The following THRB variants were observed in gnomAD, a reference collection of about 807,000 sequenced individuals.
THRB encodes nuclear receptor subfamily 1 group A member 2.
THRB carries 12 observed loss-of-function variants against 47.8 expected under a neutral mutation model. The observed-to-expected ratio is 0.25, with a 90% CI of 0.16 to 0.41. THRB has a LOEUF of 0.41. Among genes scored for constraint, THRB ranks in the 10% least tolerant of loss-of-function variants. THRB has a pLI of 1.00. For missense variants in THRB, 348 were observed against 589.2 expected (o/e 0.59, Z 4.24); for synonymous variants, 218 against 212.2 (o/e 1.03, Z -0.24).
At chr3:24,447,282 C>A (rs796333446) in intron 1 of THRB, among the ~76,000 whole-genome samples, 6 of 152,100 alleles carry the variant, frequency 3.9e-5, no homozygotes, top group African/African-American at 1.4e-4. Context: ...CCCCAACAAC[C>A]CTTAAGTATG....
intron 3 of THRB, among the ~76,000 whole-genome samples, chr3:24,276,870 T>C (rs2053970560): frequency 6.6e-6 from 1 of 152,270 alleles, no homozygotes. Context: ...GAAAGATTCG[T>C]AATCAACTAC....
chr3:24,118,499 A>T lies in THRB; in HGVS notation c.*4385T>A, dbSNP rs2148745626. ...TTTTCTATTCTGTAGTATTTTTCTGATTCTCAGGGCATGAAAACATTATGG... is the reference window on the plus strand; with the variant it reads ...TTTTCTATTCTGTAGTATTTTTCTGTTTCTCAGGGCATGAAAACATTATGG... On this transcript the variant is annotated 3_prime_UTR_variant, in exon 11 of 11. Coordinates refer to ENST00000646209, the MANE Select transcript of THRB (RefSeq NM_001354712.2). The T allele has an allele frequency of 1.3e-5, 2 of 152,728 alleles. No homozygotes were observed. Among genetic ancestry groups the T allele is most frequent in the East Asian group, 3.9e-4 (2 of 5,178 alleles). The allele number at this position is 152,728 out of a possible 1,614,324, so 9.5% of individuals were successfully genotyped here. A position where few individuals can be genotyped will look rare whatever the true frequency, so the allele number is the denominator to read the frequency against.
intron 1 of THRB, among the ~76,000 whole-genome samples, chr3:24,392,247 T>C (rs956321730): frequency 2.6e-5 from 4 of 152,124 alleles, no homozygotes; most frequent in African/African-American, 9.7e-5. Flanking sequence ...TATCGAGAAT[T>C]CTGTTTTTCT....
intron 2 of THRB, among the ~76,000 whole-genome samples, chr3:24,329,829 T>C (rs1472099341): frequency 1.3e-5 from 2 of 152,214 alleles, no homozygotes; most frequent in African/African-American, 4.8e-5. Context: ...AGTCTCTGAA[T>C]AAGCAACATG....
chr3:24,327,554 C>A (rs1464364612), intron 2 of THRB, among the ~76,000 whole-genome samples: 1 of 152,166 alleles, frequency 6.6e-6, no homozygotes, highest in Middle Eastern at 3.2e-3. Context: ...ATGTGCCAGG[C>A]ACAATTCTAG....
At chr3:24,369,507 T>C (rs1417945539) in intron 1 of THRB, among the ~76,000 whole-genome samples, 1 of 152,022 alleles carries the variant, frequency 6.6e-6, no homozygotes, top group Non-Finnish European at 1.5e-5. Flanking sequence ...AAAACATGAG[T>C]AGAAAATAAT....
chr3:24,283,286 A>G (rs1263881425), intron 3 of THRB, among the ~76,000 whole-genome samples: 1 of 152,256 alleles, frequency 6.6e-6, no homozygotes, highest in Non-Finnish European at 1.5e-5. Flanking sequence ...AATATATGCA[A>G]ATCAATAAAC....
chr3:24,149,405 G>C (rs1183731141), intron 6 of THRB, among the ~76,000 whole-genome samples: 1 of 152,254 alleles, frequency 6.6e-6, no homozygotes, highest in African/African-American at 2.4e-5. Flanking sequence ...TTCAGGGGTG[G>C]GTTTAGGGCA....
chr3:24,234,888 G>A (rs1181224418), intron 3 of THRB, among the ~76,000 whole-genome samples: 1 of 152,180 alleles, frequency 6.6e-6, no homozygotes, highest in Non-Finnish European at 1.5e-5. Context: ...GAATGACACT[G>A]CAAATGTAGT....
chr3:24,206,514 A>T (rs889284136), intron 4 of THRB, among the ~76,000 whole-genome samples: 1 of 152,206 alleles, frequency 6.6e-6, no homozygotes, highest in Non-Finnish European at 1.5e-5. Context: ...GTGTAGAGGG[A>T]AATTTACAGC....
chr3:24,256,490 AG>A (rs2051297020), intron 3 of THRB, among the ~76,000 whole-genome samples: 1 of 152,124 alleles, frequency 6.6e-6, no homozygotes, highest in Admixed American at 6.5e-5. Context: ...ATTTAATGGA[AG>A]ATGTGGACAT....
At position 24,136,737 on chromosome 3, in the gene THRB, C is replaced by T. The variant is rs2034729270; in HGVS notation, c.739-3275G>A. 2.0e-5 allele frequency among the ~76,000 whole-genome samples: 3 copies of T among 152,232 alleles called. No homozygotes were observed. The South Asian group carries it at 6.2e-4, about 32-fold the overall frequency. On this transcript the variant is annotated intron_variant, in intron 8 of 10. Coordinates refer to ENST00000646209, the MANE Select transcript of THRB (RefSeq NM_001354712.2). ...CCTGTGGGGAAAGCCTGCTTTTTGCCTCTGTGGATCCAACTGCCTGAGCTA... is the reference window on the plus strand; with the variant it reads ...CCTGTGGGGAAAGCCTGCTTTTTGCTTCTGTGGATCCAACTGCCTGAGCTA...
chr3:24,261,018 A>G (rs1306334241), intron 3 of THRB, among the ~76,000 whole-genome samples: 3 of 142,542 alleles, frequency 2.1e-5, no homozygotes, highest in Admixed American at 7.0e-5. Flanking sequence ...AGTGATGCCG[A>G]TGCTGCTGGT....
In THRB at chr3:24,494,834, C is replaced by T. The variant is rs138762471; in HGVS notation, c.-443G>A. 2 of 152,380 alleles carry T rather than the reference C, an allele frequency of 1.3e-5. No individual in the cohort carries two copies. The highest frequency in any genetic ancestry group is 2.4e-5 in the African/African-American group (1 of 41,452). The allele number at this position is 152,380 out of a possible 1,614,324, so 9.4% of individuals were successfully genotyped here. On this transcript the variant is annotated 5_prime_UTR_variant, in exon 1 of 11. Transcript: ENST00000646209. ...GTTAATCCCCGCCGCGTCACGGCCG[C>T]CCGCCCGAGGATGTGCGCCTTCCTT... is the stretch of plus-strand genomic sequence containing the variant.
At chr3:24,486,203 C>A (rs1352210151) in intron 1 of THRB, among the ~76,000 whole-genome samples, 1 of 152,130 alleles carries the variant, frequency 6.6e-6, no homozygotes, top group Non-Finnish European at 1.5e-5. Flanking sequence ...TACGACAGCC[C>A]TCCACAGCAA....
intron 2 of THRB, among the ~76,000 whole-genome samples, chr3:24,336,500 A>G (rs1387816845): frequency 1.3e-5 from 2 of 152,218 alleles, no homozygotes; most frequent in African/African-American, 4.8e-5. Context: ...GTTCTGACAC[A>G]ACCTTATATG....
chr3:24,324,458 T>C (rs2058684147), intron 2 of THRB, among the ~76,000 whole-genome samples: 1 of 152,232 alleles, frequency 6.6e-6, no homozygotes, highest in Non-Finnish European at 1.5e-5. Flanking sequence ...AAACAGCTCC[T>C]TTCCTTGAGA....
intron 1 of THRB, among the ~76,000 whole-genome samples, chr3:24,433,995 G>T (rs139152341): frequency 2.7e-4 from 40 of 147,110 alleles, no homozygotes; most frequent in Middle Eastern, 3.6e-3. Flanking sequence ...GCTTACTTAG[G>T]TAGTCCAATA....
chr3:24,346,446 A>G (rs1445049561), intron 1 of THRB, among the ~76,000 whole-genome samples: 1 of 152,086 alleles, frequency 6.6e-6, no homozygotes, highest in Non-Finnish European at 1.5e-5. Flanking sequence ...AATGTCAAAG[A>G]GTAATATGAT....
Sources: allele counts gnomAD v4.1 joint callset (sites outside exome capture counted in the v4.1 genomes callset), GRCh38; gene constraint gnomAD v4.1.1; transcripts MANE v1.5; gene names NCBI Gene and HGNC (gene_info 2026-07-23, HGNC 2026-07-21).